CSMD2: variants seen among roughly 807,000 people sequenced by gnomAD.
CSMD2 encodes CUB and sushi domain-containing protein 2.
A neutral mutation model predicts 398.5 loss-of-function variants in CSMD2; 130 were observed. The observed-to-expected ratio is 0.33, with a 90% CI of 0.28 to 0.38. CSMD2 has a LOEUF of 0.38. Among genes scored for constraint, CSMD2 ranks in the 10% least tolerant of loss-of-function variants. The probability of loss-of-function intolerance (pLI) is 1.00; values close to 1 mark genes in which losing one functional copy is unlikely to be tolerated. For synonymous variants in CSMD2, 1,828 were observed against 1,908.5 expected, an observed-to-expected ratio of 0.96 and a Z score of 1.10; for missense variants, 3,829 against 4,764.9, an observed-to-expected ratio of 0.80 and a Z score of 5.78.
chr1:34,010,871 C>T (rs984348998), intron 3 of CSMD2, among the ~76,000 whole-genome samples: 3 of 152,116 alleles, frequency 2.0e-5, no homozygotes, highest in Non-Finnish European at 2.9e-5. Flanking sequence ...GTGATCTGCC[C>T]GCCTCGGCCT....
intron 44 of CSMD2, among the ~76,000 whole-genome samples, chr1:33,591,315 G>A (rs905914401): frequency 6.6e-6 from 1 of 152,092 alleles, no homozygotes; most frequent in Non-Finnish European, 1.5e-5. Context: ...AACCAAATTA[G>A]CTTAGAAAAA....
intron 55 of CSMD2, among the ~76,000 whole-genome samples, chr1:33,550,796 C>T (rs1657373946): frequency 6.6e-6 from 1 of 152,176 alleles, no homozygotes; most frequent in Non-Finnish European, 1.5e-5. Flanking sequence ...CTTACAGTTG[C>T]CTCATCAGTT....
intron 68 of CSMD2, among the ~76,000 whole-genome samples, chr1:33,521,112 C>T (rs1654237587): frequency 1.3e-5 from 2 of 152,314 alleles, no homozygotes; most frequent in East Asian, 1.9e-4. Flanking sequence ...AGCTCTAAGA[C>T]ACTCCACAGT....
chr1:33,623,629 G>A (rs950751550), intron 35 of CSMD2, among the ~76,000 whole-genome samples, 163 bp from the exon 36 acceptor site: 12 of 152,172 alleles, frequency 7.9e-5, no homozygotes, highest in Non-Finnish European at 1.8e-4. Flanking sequence ...ATGCAGAACC[G>A]ACTCCAAGGA....
At chr1:33,534,637 C>CTTCCTTCTCTTTTGCCCTCTTT in intron 62 of CSMD2, among the ~76,000 whole-genome samples, 1 of 152,316 alleles carries the variant, frequency 6.6e-6, no homozygotes, top group South Asian at 2.1e-4. Context: ...ATACTACTTC[C>CTTCCTTCTCTTTTGCCCTCTTT]CAGTTCAAAC....
chr1:33,990,216 G>A (rs1424468041), intron 3 of CSMD2, among the ~76,000 whole-genome samples: 1 of 152,108 alleles, frequency 6.6e-6, no homozygotes, highest in Admixed American at 6.6e-5. Context: ...ATGTTGCAGT[G>A]AGCTGAGATC....
intron 5 of CSMD2, among the ~76,000 whole-genome samples, chr1:33,911,455 T>A (rs1037362426): frequency 1.3e-5 from 2 of 152,156 alleles, no homozygotes; most frequent in African/African-American, 2.4e-5. Context: ...TAAAGCAAGA[T>A]CATTCAAGAG....
rs147270632 is a variant in CSMD2 at position 33,542,889 on chromosome 1, A to G, written c.9108T>C (p.Ser3036=). 8.6e-5 allele frequency: 138 copies of G among 1,614,032 alleles called. No individual in the cohort carries two copies. The African/African-American group carries it at 1.3e-3, about 16-fold the overall frequency. Reference sequence around the variant, plus strand: ...TACTTGGAGTCCCAGGGTTCCCACAAGAGATCACTAGGAAGACAAAAATAC... The same window carrying G: ...TACTTGGAGTCCCAGGGTTCCCACAGGAGATCACTAGGAAGACAAAAATAC... ...SGSQPECGVI[S]CGNPGTPSNA... is the part of the protein sequence containing the mutation. Residue 3036 remains serine (S), a synonymous_variant, in exon 58 of 71, where the codon TCT becomes TCC. Transcript: ENST00000373381.
At chr1:34,135,680 T>C (rs1638675845) in intron 1 of CSMD2, among the ~76,000 whole-genome samples, 1 of 144,518 alleles carries the variant, frequency 6.9e-6, no homozygotes, top group Non-Finnish European at 1.5e-5. Context: ...TTATGAAATA[T>C]CATGTAGCCA....
chr1:33,622,999 T>G (rs1326293674), intron 36 of CSMD2, among the ~76,000 whole-genome samples: 1 of 152,206 alleles, frequency 6.6e-6, no homozygotes, highest in Non-Finnish European at 1.5e-5. Flanking sequence ...TGGGGGAACT[T>G]TGAAAACATC....
rs770707605 is a variant in CSMD2, at chr1:33,533,044, A to G, written c.10171+6T>C. ...CTGGAGAGCTTCCCCGAGCAGGCAC[A>G]CTCACCCAGGCAGATGGGCGGCTTG... On this transcript the variant is annotated splice_donor_region_variant and intron_variant, in intron 64 of 70. Transcript: ENST00000373381. The surrounding 1 kb of genome is among the most constrained non-coding windows in gnomAD (Gnocchi z 4.2). 1.2e-6 allele frequency: 2 copies of G among 1,600,252 alleles called. No homozygotes were observed. The highest frequency in any genetic ancestry group is 1.7e-6 in the Non-Finnish European group (2 of 1,171,556).
intron 3 of CSMD2, among the ~76,000 whole-genome samples, chr1:34,011,980 A>G (rs1325258): frequency 0.15 from 23,019 of 152,196 alleles, 2,349 homozygotes; most frequent in East Asian, 0.46. Context: ...TGATAGAACC[A>G]GGTCTGCTAC....
chr1:33,681,264 G>C (rs1371371661), intron 25 of CSMD2, among the ~76,000 whole-genome samples: 2 of 151,670 alleles, frequency 1.3e-5, no homozygotes, highest in Admixed American at 1.3e-4. Context: ...TTGCTTTTTT[G>C]GGTAATATTC....
chr1:33,762,217 T>G (rs1200206866), intron 13 of CSMD2, among the ~76,000 whole-genome samples: 1 of 152,234 alleles, frequency 6.6e-6, no homozygotes, highest in East Asian at 1.9e-4. Flanking sequence ...TTGATAGAAC[T>G]TCAAGCTCCA....
At chr1:33,572,934 G>A (rs1557556829) in intron 49 of CSMD2, among the ~76,000 whole-genome samples, 1 of 152,008 alleles carries the variant, frequency 6.6e-6, no homozygotes, top group East Asian at 1.9e-4. Context: ...AAAATATATG[G>A]GAGGGAGCCT....
chr1:33,759,561 G>A (rs540796208), intron 13 of CSMD2, among the ~76,000 whole-genome samples: 61 of 152,060 alleles, frequency 4.0e-4, no homozygotes, highest in Non-Finnish European at 6.6e-4. Flanking sequence ...TCCTGACCTC[G>A]TGATCTGCCT....
intron 6 of CSMD2, among the ~76,000 whole-genome samples, chr1:33,831,229 A>G (rs1263416063): frequency 6.6e-6 from 1 of 152,144 alleles, no homozygotes; most frequent in East Asian, 1.9e-4. Flanking sequence ...CAAAGTTGAA[A>G]TGAAGGAAAA....
intron 5 of CSMD2, among the ~76,000 whole-genome samples, chr1:33,898,663 G>T (rs1294205700): frequency 6.6e-6 from 1 of 152,134 alleles, no homozygotes; most frequent in African/African-American, 2.4e-5. Context: ...TAAGGCACCA[G>T]GGGAATGTGG....
At chr1:34,029,625 C>T (rs1650154950) in intron 3 of CSMD2, among the ~76,000 whole-genome samples, 2 of 152,230 alleles carry the variant, frequency 1.3e-5, no homozygotes, top group South Asian at 4.1e-4. Flanking sequence ...TAGCCACAGC[C>T]TTGGCTTATG....
Sources: gnomAD v4.1 joint callset for allele counts (sites outside exome capture counted in the v4.1 genomes callset) on GRCh38, gnomAD v4.1.1 for gene constraint, Gnocchi (gnomAD v3.1) non-coding constraint, MANE v1.5 for transcripts, NCBI Gene and HGNC (gene_info 2026-07-23, HGNC 2026-07-21) for gene names.